Variants in NBEAL2 observed in about 807,000 individuals in gnomAD.
The protein encoded by NBEAL2 is neurobeachin like 2, also known as neurobeachin-like protein 2.
NBEAL2 carries 160 observed loss-of-function variants against 299.8 expected under a neutral mutation model. That is an observed-to-expected ratio of 0.53 (90% CI 0.47 to 0.61). The LOEUF is 0.61. NBEAL2 is among the 20% of genes least tolerant of loss of function. The pLI is 0.00. For synonymous variants in NBEAL2, 1,493 were observed against 1,542.3 expected (o/e 0.97, Z 0.75); for missense variants, 3,112 against 3,649.0 (o/e 0.85, Z 3.79).
rs201354947 is a variant in NBEAL2, at chr3:47,002,531, C to T, written c.5301+11C>T. 3.3e-3 allele frequency: 5,302 copies of T among 1,611,862 alleles called. 16 individuals are homozygous for T. Among genetic ancestry groups the T allele is most frequent in the Non-Finnish European group, 3.7e-3 (4,415 of 1,179,462 alleles). ...CGTCGGGCCTTCCAGGTGTGCCACC[C>T]GGGGTAAGGGATGGGAAACTGCTCC... On this transcript the variant is annotated intron_variant, in intron 32 of 53. Transcript: ENST00000450053.
At position 47,001,618 on chromosome 3, in the gene NBEAL2, A is replaced by T; in HGVS notation, c.4645-71A>T. ...CTACCTGGCCCCCAGCGCAAACTTT[A>T]CTTTGCTCCCTTTCCATGGACTCCT... On this transcript the variant is annotated intron_variant, in intron 29 of 53. Transcript: ENST00000450053. The surrounding 1 kb of genome is among the most constrained non-coding windows in gnomAD (Gnocchi z 6.1). The T allele has an allele frequency of 1.3e-6, 2 of 1,592,618 alleles. No homozygotes were observed. The highest frequency in any genetic ancestry group is 2.2e-5 in the South Asian group (2 of 90,242).
At position 47,005,928 on chromosome 3, in the gene NBEAL2, C is replaced by A; in HGVS notation, c.6802-18C>A. 1 of 1,613,030 alleles carries A rather than the reference C, an allele frequency of 6.2e-7. No homozygotes were observed. On this transcript the variant is annotated intron_variant, in intron 42 of 53. Transcript: ENST00000450053. ...GGGTCAGCTGTCCCTGCACTGATTG[C>A]TGCCTCCCTACTCTCAGGAGTCGGA... is the stretch of plus-strand genomic sequence containing the variant.
At chr3:46,999,844 G>A in intron 26 of NBEAL2, 45 bp from the exon 27 acceptor site, 1 of 1,599,164 alleles carries the variant, frequency 6.3e-7, no homozygotes, top group South Asian at 1.1e-5. Context: ...AGGGTCTGGA[G>A]CAGGCAGTTG....
Position 46,995,171 on chromosome 3 carries a change from G to C in NBEAL2, c.1436G>C (p.Cys479Ser). Residue 479 changes from cysteine (C) to serine (S), a missense_variant, in exon 13 of 54, where the codon TGT becomes TCT. Around this residue, in one of 3 missense-constraint regions of NBEAL2, gnomAD observed 2,243 missense variants for 2,538.1 expected, o/e 0.88. Transcript: ENST00000450053. Reference protein sequence around the residue: ...LFLAQRLRWLCDSCPASRATC... With the variant: ...LFLAQRLRWLSDSCPASRATC... ...CTAGCGCAACGCCTCAGGTGGCTCTGTGACAGCTGCCCTGCCAGCCGTGCC... is the reference window on the plus strand; with the variant it reads ...CTAGCGCAACGCCTCAGGTGGCTCTCTGACAGCTGCCCTGCCAGCCGTGCC... 2 of 1,566,890 alleles carry C rather than the reference G, an allele frequency of 1.3e-6. No individual in the cohort carries two copies. The highest frequency in any genetic ancestry group is 1.7e-6 in the Non-Finnish European group (2 of 1,156,186).
rs2037237338 is a variant in NBEAL2 at position 47,004,086 on chromosome 3, A to G, written c.5891A>G (p.Tyr1964Cys). Reference protein sequence around the residue: ...ERVETEEGIGYDFRRPLAQLR... With the variant: ...ERVETEEGIGCDFRRPLAQLR... ...CTGTTCCTCCCCATAGGCATCGGCT[A>G]TGATTTCCGGCGCCCACTGGCCCAG... The change falls in exon 37 of 54, where the codon TAT (tyrosine) becomes TGT (cysteine). Residue 1964 changes from tyrosine (Y) to cysteine (C), a missense_variant. Coordinates refer to ENST00000450053, the MANE Select transcript of NBEAL2 (RefSeq NM_015175.3). The surrounding 1 kb of genome is among the most constrained non-coding windows in gnomAD (Gnocchi z 5.0). 3.1e-6 allele frequency: 5 copies of G among 1,612,366 alleles called. No individual in the cohort carries two copies. The highest frequency in any genetic ancestry group is 1.3e-5 in the African/African-American group (1 of 74,936).
rs1304099661 is a variant in NBEAL2 at position 47,008,871 on chromosome 3, AT to A, written c.8028-115del. On this transcript the variant is annotated intron_variant, in intron 52 of 53. Transcript: ENST00000450053. ...GTGGGAGATTTCTTTGTGTATAAGA[AT>A]TTCAATTTAACCATCCTTAAAATGA... is the stretch of plus-strand genomic sequence containing the variant. The A allele has an allele frequency of 1.0e-5, 15 of 1,496,208 alleles. No homozygotes were observed. In the Admixed American group the frequency reaches 2.4e-4, roughly 24 times the overall value. The allele number at this position is 1,496,208 out of a possible 1,614,324, so 92.7% of individuals were successfully genotyped here. A position where few individuals can be genotyped will look rare whatever the true frequency, so the allele number is the denominator to read the frequency against.
At chr3:46,981,803 A>C (rs1016516724) in intron 1 of NBEAL2, 1 of 152,304 alleles carries the variant, frequency 6.6e-6, no homozygotes, top group Non-Finnish European at 1.5e-5. Context: ...CTCCCAGGAC[A>C]GTAACTCCAG....
rs370670784 is a variant in NBEAL2 at position 46,996,764 on chromosome 3, G to A, written c.2487G>A (p.Thr829=). 348 of 1,612,354 alleles carry A rather than the reference G, an allele frequency of 2.2e-4. No homozygotes were observed. Among genetic ancestry groups the A allele is most frequent in the Non-Finnish European group, 2.1e-4 (253 of 1,179,644 alleles). ...CCCACCTCCCAGGGCCCAATGAGAC[G>A]GCACCCTTCAAGCCTGAGGGGGAGC... The part of the protein sequence containing the change: ...RTLCTLGPNE[T]APFKPEGELH... Residue 829 remains threonine (T), a synonymous_variant, in exon 17 of 54, where the codon ACG becomes ACA. Coordinates refer to ENST00000450053, the MANE Select transcript of NBEAL2 (RefSeq NM_015175.3).
intron 50 of NBEAL2, 37 bp from the exon 51 acceptor site, chr3:47,008,246 A>G: frequency 6.2e-7 from 1 of 1,613,102 alleles, no homozygotes; most frequent in African/African-American, 1.3e-5. Flanking sequence ...CCTGGAGCCC[A>G]GACTCCTGCC....
At position 47,002,481 on chromosome 3, in the gene NBEAL2, G is replaced by A. The variant is rs1015679487; in HGVS notation, c.5262G>A (p.Arg1754=). 17 of 1,613,062 alleles carry A rather than the reference G, an allele frequency of 1.1e-5. No homozygotes were observed. The highest frequency in any genetic ancestry group is 1.4e-5 in the Non-Finnish European group (17 of 1,179,890). Reference sequence around the variant, plus strand: ...ACATGCTTATGAGCAGTGGGCAGCGGCGCCAGTGGGAGCGCGCCCAGAGTC... The same window carrying A: ...ACATGCTTATGAGCAGTGGGCAGCGACGCCAGTGGGAGCGCGCCCAGAGTC... The part of the protein sequence containing the change: ...CYDMLMSSGQ[R]RQWERAQSRR... Residue 1754 remains arginine (R), a synonymous_variant, in exon 32 of 54, where the codon CGG becomes CGA. Transcript: ENST00000450053.
chr3:47,002,329 G>A (rs2037075167), intron 31 of NBEAL2, 41 bp downstream of exon 31: 1 of 1,601,962 alleles, frequency 6.2e-7, no homozygotes, highest in African/African-American at 1.3e-5. Context: ...GTGGGGGCTG[G>A]GGCCCACATC....
At chr3:46,990,477 C>G (rs2036003877) in intron 6 of NBEAL2, among the ~76,000 whole-genome samples, 1 of 152,204 alleles carries the variant, frequency 6.6e-6, no homozygotes, top group African/African-American at 2.4e-5. Context: ...ACCACTGACC[C>G]CACCTCAGGG....
Position 46,989,003 on chromosome 3 carries a change from C to T in NBEAL2, c.269+33C>T. On this transcript the variant is annotated intron_variant, in intron 3 of 53. Coordinates refer to ENST00000450053, the MANE Select transcript of NBEAL2 (RefSeq NM_015175.3). This position sits in a 1 kb window ranked among gnomAD's most constrained non-coding sequence, Gnocchi z 5.5. ...TGTTGTCCACTCTACAAGCAGGGGC[C>T]TAGAACTGTGGGCCAGAGGGAGAGG... The T allele has an allele frequency of 6.2e-7, 1 of 1,612,384 alleles. No homozygotes were observed. Among genetic ancestry groups the T allele is most frequent in the East Asian group, 2.2e-5 (1 of 44,834 alleles).
At position 46,988,635 on chromosome 3, in the gene NBEAL2, GC is replaced by G. The variant is rs1436659426; in HGVS notation, c.52-28del. On this transcript the variant is annotated intron_variant, in intron 1 of 53. Coordinates refer to ENST00000450053, the MANE Select transcript of NBEAL2 (RefSeq NM_015175.3). The surrounding 1 kb of genome is among the most constrained non-coding windows in gnomAD (Gnocchi z 4.4). ...CTGCCCTGTTTACTGCATCCCTCCT[GC>G]CCCCCACCACTGTTCCCCTGTTCTG... 3 of 1,581,820 alleles carry G rather than the reference GC, an allele frequency of 1.9e-6. No individual in the cohort carries two copies. Among genetic ancestry groups the G allele is most frequent in the African/African-American group, 2.7e-5 (2 of 74,230 alleles).
intron 15 of NBEAL2, 84 bp from the exon 16 acceptor site, chr3:46,996,187 T>A (rs2107346832): frequency 1.3e-6 from 2 of 1,574,660 alleles, no homozygotes; most frequent in East Asian, 2.3e-5. Flanking sequence ...CATGCAGCCA[T>A]GGGGGTCACT....
chr3:47,003,135 C>T lies in NBEAL2; in HGVS notation c.5585-39C>T. The T allele has an allele frequency of 6.2e-7, 1 of 1,608,854 alleles. No homozygotes were observed. Among genetic ancestry groups the T allele is most frequent in the Non-Finnish European group, 8.5e-7 (1 of 1,176,556 alleles). Reference sequence around the variant, plus strand: ...CCAACTCGATTGTCCCGTCTCCTGTCCTGCCTTGCTTCTGCTGAGTACCCT... The same window carrying T: ...CCAACTCGATTGTCCCGTCTCCTGTTCTGCCTTGCTTCTGCTGAGTACCCT... On this transcript the variant is annotated intron_variant, in intron 34 of 53. Transcript: ENST00000450053. The surrounding 1 kb of genome is among the most constrained non-coding windows in gnomAD (Gnocchi z 7.0).
At position 46,997,588 on chromosome 3, in the gene NBEAL2, C is replaced by T. The variant is rs770010438; in HGVS notation, c.2852C>T (p.Ala951Val). Residue 951 changes from alanine to valine, a missense_variant, in exon 20 of 54, where the codon GCT becomes GTT. Around this residue, in one of 3 missense-constraint regions of NBEAL2, gnomAD observed 2,243 missense variants for 2,538.1 expected, o/e 0.88. Coordinates refer to ENST00000450053, the MANE Select transcript of NBEAL2 (RefSeq NM_015175.3). ...SEERMERNAV[A>V]AFLLMLRNFL... ...GAACGGATGGAGAGGAACGCAGTGG[C>T]TGCTTTTCTGCTGATGCTGCGGAAC... 3 of 1,599,756 alleles carry T rather than the reference C, an allele frequency of 1.9e-6. No homozygotes were observed. The highest frequency in any genetic ancestry group is 8.6e-7 in the Non-Finnish European group (1 of 1,169,452).
rs202047575 is a variant in NBEAL2, at chr3:46,997,390, T to A, written c.2781T>A (p.Gly927=). 2.5e-6 allele frequency: 4 copies of A among 1,611,490 alleles called. No individual in the cohort carries two copies. In the African/African-American group the frequency reaches 4.0e-5, roughly 16 times the overall value. ...TCGTGGGTCCTGAACTGACCTCTGG[T>A]CACAACACCCAGGGCCTGGTTCTCC... The part of the protein sequence containing the change: ...HDLVGPELTS[G]HNTQGLVLPL... The change falls in exon 19 of 54, where the codon GGT becomes GGA. Residue 927 remains glycine, a synonymous_variant. Coordinates refer to ENST00000450053, the MANE Select transcript of NBEAL2 (RefSeq NM_015175.3).
At chr3:46,986,272 C>G (rs2035666117) in intron 1 of NBEAL2, among the ~76,000 whole-genome samples, 2 of 152,140 alleles carry the variant, frequency 1.3e-5, no homozygotes, top group Non-Finnish European at 2.9e-5. Flanking sequence ...TCTACATACT[C>G]TAGGAGTATG....
Sources: allele counts gnomAD v4.1 joint callset (sites outside exome capture counted in the v4.1 genomes callset), GRCh38; gene constraint gnomAD v4.1.1; regional missense constraint gnomAD v4.1.1; non-coding constraint Gnocchi (gnomAD v3.1); transcripts MANE v1.5; gene names NCBI Gene and HGNC (gene_info 2026-07-23, HGNC 2026-07-21).